The following CADM2 variants were observed in gnomAD, a reference collection of about 807,000 sequenced individuals.
The protein encoded by CADM2 is immunoglobulin superfamily member 4D.
A neutral mutation model predicts 49.8 loss-of-function variants in CADM2; 12 were observed. The ratio of observed to expected loss-of-function variants is 0.24; its 90% CI spans 0.15 to 0.39. CADM2 has a LOEUF of 0.39. Among genes scored for constraint, CADM2 ranks in the 10% least tolerant of loss-of-function variants. CADM2 has a pLI of 1.00. For synonymous variants in CADM2, 214 were observed against 175.4 expected (o/e 1.22, Z -1.74); for missense variants, 378 against 492.3 (o/e 0.77, Z 2.20).
Position 84,991,693 on chromosome 3 carries a change from G to A in CADM2, c.61+32025G>A, listed in dbSNP as rs527823821. Among the ~76,000 whole-genome samples, 125 of 152,298 alleles carry A rather than the reference G, an allele frequency of 8.2e-4. No individual in the cohort carries two copies. The Middle Eastern group carries it at 0.017, about 21-fold the overall frequency. ...TGAAAACATGTCCACAAAGAAACGT[G>A]CACATGGATGTTTATAGCAGTTTTA... On this transcript the variant is annotated intron_variant, in intron 1 of 9. Transcript: ENST00000383699.
At chr3:85,616,101 T>G (rs1189109483) in intron 1 of CADM2, among the ~76,000 whole-genome samples, 1 of 151,888 alleles carries the variant, frequency 6.6e-6, no homozygotes, top group Non-Finnish European at 1.5e-5. Context: ...AAGCTGTGAT[T>G]GTCGGGCATT....
intron 5 of CADM2, among the ~76,000 whole-genome samples, chr3:85,900,482 G>C (rs933709353): frequency 8.5e-5 from 13 of 152,058 alleles, no homozygotes; most frequent in Admixed American, 4.6e-4. Flanking sequence ...ATACATTGTT[G>C]GAATGGAAAA....
At chr3:85,298,177 G>A (rs1186416162) in intron 1 of CADM2, among the ~76,000 whole-genome samples, 1 of 152,056 alleles carries the variant, frequency 6.6e-6, no homozygotes, top group East Asian at 1.9e-4. Context: ...TTCAGCTGCA[G>A]GTTGACATTG....
At chr3:85,261,382 C>T (rs970399585) in intron 1 of CADM2, among the ~76,000 whole-genome samples, 1 of 152,100 alleles carries the variant, frequency 6.6e-6, no homozygotes, top group African/African-American at 2.4e-5. Context: ...GATCCACCAG[C>T]CTTGGCCTTC....
chr3:85,055,873 T>C (rs1176119916), intron 1 of CADM2, among the ~76,000 whole-genome samples: 1 of 151,970 alleles, frequency 6.6e-6, no homozygotes, highest in Non-Finnish European at 1.5e-5. Context: ...GGAAGCTGCA[T>C]GGTACCTGGA....
chr3:85,483,000 CAAACAT>C (rs1451760863), intron 1 of CADM2, among the ~76,000 whole-genome samples: 1 of 151,536 alleles, frequency 6.6e-6, no homozygotes, highest in Non-Finnish European at 1.5e-5. Context: ...AATCTGAACA[CAAACAT>C]ATTCAATCTT....
chr3:85,364,867 T>TACA (rs57254550), intron 1 of CADM2, among the ~76,000 whole-genome samples: 3,817 of 147,260 alleles, frequency 0.026, 133 homozygotes, highest in African/African-American at 0.089. Context: ...TGCTTGTTCC[T>TACA]ACAACAACAA....
chr3:85,901,779 T>A (rs1387291491), intron 5 of CADM2, among the ~76,000 whole-genome samples: 1 of 152,176 alleles, frequency 6.6e-6, no homozygotes, highest in Non-Finnish European at 1.5e-5. Context: ...AGCCTGTTAG[T>A]GATAACTCCC....
chr3:85,200,576 G>A (rs1416078331), intron 1 of CADM2, among the ~76,000 whole-genome samples: 1 of 152,130 alleles, frequency 6.6e-6, no homozygotes, highest in African/African-American at 2.4e-5. Flanking sequence ...AGTAGTGACA[G>A]TAAACAGAAC....
At chr3:85,224,335 T>C (rs895902495) in intron 1 of CADM2, among the ~76,000 whole-genome samples, 15 of 152,204 alleles carry the variant, frequency 9.9e-5, no homozygotes, top group African/African-American at 3.6e-4. Flanking sequence ...TTGATGTGCA[T>C]TTCTCTAATG....
chr3:85,371,533 T>C (rs985785608), intron 1 of CADM2, among the ~76,000 whole-genome samples: 1 of 151,646 alleles, frequency 6.6e-6, no homozygotes, highest in Non-Finnish European at 1.5e-5. Context: ...GTACACTCTA[T>C]GGTCTTTACA....
intron 1 of CADM2, among the ~76,000 whole-genome samples, chr3:85,675,283 A>G (rs1174988545): frequency 2.0e-5 from 3 of 152,182 alleles, no homozygotes; most frequent in Non-Finnish European, 4.4e-5. Context: ...ATCTTAGGAT[A>G]CAAGAACTTT....
At chr3:85,096,912 G>A (rs908470310) in intron 1 of CADM2, among the ~76,000 whole-genome samples, 14 of 151,920 alleles carry the variant, frequency 9.2e-5, no homozygotes, top group African/African-American at 3.4e-4. Context: ...TCTGCTATTA[G>A]TTTTACCTTT....
chr3:85,765,181 G>T (rs1038750193), intron 2 of CADM2, among the ~76,000 whole-genome samples: 1 of 152,014 alleles, frequency 6.6e-6, no homozygotes, highest in Non-Finnish European at 1.5e-5. Flanking sequence ...TGTCTTCTCA[G>T]CCTTACAGCT....
intron 2 of CADM2, among the ~76,000 whole-genome samples, chr3:85,770,616 T>C (rs924504117): frequency 6.6e-6 from 1 of 152,130 alleles, no homozygotes; most frequent in African/African-American, 2.4e-5. Flanking sequence ...TGTTATATGA[T>C]AGGGAGATTA....
Position 85,032,008 on chromosome 3 carries a change from G to C in CADM2, c.61+72340G>C, listed in dbSNP as rs147863127. 3.7e-3 allele frequency among the ~76,000 whole-genome samples: 563 copies of C among 152,056 alleles called. 4 individuals are homozygous for C. Among genetic ancestry groups the C allele is most frequent in the Admixed American group, 8.6e-3 (131 of 15,276 alleles). On this transcript the variant is annotated intron_variant, in intron 1 of 9. Transcript: ENST00000383699. ...TACATACTGTATTTATCATTGCTTG[G>C]TTCATGTTAGATACTCACTAATTAT...
intron 1 of CADM2, among the ~76,000 whole-genome samples, chr3:85,377,852 G>A (rs1421148310): frequency 6.6e-6 from 1 of 151,934 alleles, no homozygotes; most frequent in Non-Finnish European, 1.5e-5. Context: ...GTGGGCCCAG[G>A]GAGCGATGCG....
intron 1 of CADM2, among the ~76,000 whole-genome samples, chr3:85,417,703 G>A (rs1002361759): frequency 8.5e-5 from 13 of 152,088 alleles, no homozygotes; most frequent in Non-Finnish European, 1.8e-4. Flanking sequence ...GGGTATAAAG[G>A]TCTTATACAG....
At chr3:85,738,237 C>T (rs957543851) in intron 2 of CADM2, among the ~76,000 whole-genome samples, 1 of 152,134 alleles carries the variant, frequency 6.6e-6, no homozygotes, top group Non-Finnish European at 1.5e-5. Flanking sequence ...GAGCAAATAT[C>T]TGTGTATATT....
Sources: gnomAD v4.1 joint callset for allele counts (sites outside exome capture counted in the v4.1 genomes callset) on GRCh38, gnomAD v4.1.1 for gene constraint, MANE v1.5 for transcripts, NCBI Gene and HGNC (gene_info 2026-07-23, HGNC 2026-07-21) for gene names.